The following ZNRF2 variants were observed in gnomAD, a reference collection of about 807,000 sequenced individuals.
ZNRF2 encodes the protein E3 ubiquitin-protein ligase ZNRF2.
In ZNRF2, 16 loss-of-function variants were observed where a neutral mutation model predicts 20.4. The ratio of observed to expected loss-of-function variants is 0.79; its 90% CI spans 0.53 to 1.19. The LOEUF is 1.19. ZNRF2 is among the 50% of genes most tolerant of loss of function. The probability of loss-of-function intolerance (pLI) is 0.00; values close to 1 mark genes in which losing one functional copy is unlikely to be tolerated. For missense variants in ZNRF2, 363 were observed against 332.4 expected, an observed-to-expected ratio of 1.09 and a Z score of -0.72; for synonymous variants, 178 against 144.9, an observed-to-expected ratio of 1.23 and a Z score of -1.64.
intron 4 of ZNRF2, among the ~76,000 whole-genome samples, chr7:30,363,313 A>AT (rs569145693): frequency 5.2e-4 from 79 of 152,310 alleles, no homozygotes; most frequent in Non-Finnish European, 1.0e-3. Flanking sequence ...TTTTACATCT[A>AT]TTAGTAACTT....
At chr7:30,306,175 C>T (rs1273886222) in intron 1 of ZNRF2, among the ~76,000 whole-genome samples, 2 of 152,180 alleles carry the variant, frequency 1.3e-5, no homozygotes, top group South Asian at 4.1e-4. Flanking sequence ...AACACTCTTA[C>T]TATCAAAATA....
At chr7:30,288,583 C>CT (rs1226317798) in intron 1 of ZNRF2, among the ~76,000 whole-genome samples, 1 of 152,204 alleles carries the variant, frequency 6.6e-6, no homozygotes, top group East Asian at 1.9e-4. Context: ...ATTTGGACAT[C>CT]TGTTTTGGCT....
At chr7:30,317,976 A>G (rs567276372) in intron 1 of ZNRF2, among the ~76,000 whole-genome samples, 1 of 152,128 alleles carries the variant, frequency 6.6e-6, no homozygotes, top group Non-Finnish European at 1.5e-5. Flanking sequence ...TGTCATATTC[A>G]TTGCATTTCT....
intron 1 of ZNRF2, among the ~76,000 whole-genome samples, chr7:30,314,786 G>GA (rs1799342579): frequency 7.3e-6 from 1 of 137,256 alleles, no homozygotes; most frequent in Admixed American, 7.4e-5. Context: ...CCAAATATGG[G>GA]AAATATATAT....
At chr7:30,365,432 A>G (rs1403716820) in intron 4 of ZNRF2, among the ~76,000 whole-genome samples, 1 of 152,126 alleles carries the variant, frequency 6.6e-6, no homozygotes, top group Non-Finnish European at 1.5e-5. Flanking sequence ...TCTGTTAATC[A>G]GGTGTCTACA....
At chr7:30,321,330 G>T in intron 1 of ZNRF2, among the ~76,000 whole-genome samples, 1 of 152,062 alleles carries the variant, frequency 6.6e-6, no homozygotes, top group South Asian at 2.1e-4. Flanking sequence ...GAATTATTTA[G>T]TGAGAATTGG....
At chr7:30,349,605 G>A (rs752702169) in intron 2 of ZNRF2, among the ~76,000 whole-genome samples, 4 of 151,538 alleles carry the variant, frequency 2.6e-5, no homozygotes, top group Non-Finnish European at 2.9e-5. Context: ...AAATTGCTAC[G>A]TATTACCCAG....
intron 2 of ZNRF2, among the ~76,000 whole-genome samples, chr7:30,336,549 T>C (rs1464994087): frequency 2.0e-5 from 3 of 152,212 alleles, no homozygotes; most frequent in Non-Finnish European, 2.9e-5. Flanking sequence ...AGAGATGTTT[T>C]TCTTATAGCT....
chr7:30,303,270 AAAAAAAAG>A (rs1799147550), intron 1 of ZNRF2, among the ~76,000 whole-genome samples: 1 of 151,934 alleles, frequency 6.6e-6, no homozygotes. Flanking sequence ...TCTCAAAAAA[AAAAAAAAG>A]AAAAAGAAAA....
At chr7:30,349,790 A>G (rs7786134) in intron 2 of ZNRF2, among the ~76,000 whole-genome samples, 7,804 of 152,118 alleles carry the variant, frequency 0.051, 485 homozygotes, top group African/African-American at 0.15. Flanking sequence ...TGAACCTGAA[A>G]TTTTACTTCA....
chr7:30,285,723 GGAC>G lies in ZNRF2; in HGVS notation c.368_370del (p.Asp123del). The G allele has an allele frequency of 6.8e-7, 1 of 1,475,568 alleles. No homozygotes were observed. The highest frequency in any genetic ancestry group is 8.9e-7 in the Non-Finnish European group (1 of 1,119,624). The allele number at this position is 1,475,568 out of a possible 1,614,324, so 91.4% of individuals were successfully genotyped here. On this transcript the variant is annotated inframe_deletion, in exon 1 of 5. Transcript: ENST00000323037. ...AGGACTCGGTGCACAGCAGCCCTGA[GGAC>G]GGCGGCGGCGGCCGGGACCGGCCGG...
chr7:30,355,286 G>A (rs191343284), intron 2 of ZNRF2, among the ~76,000 whole-genome samples: 1 of 151,868 alleles, frequency 6.6e-6, no homozygotes, highest in Non-Finnish European at 1.5e-5. Flanking sequence ...GTGATTTCTT[G>A]AACTTACCCA....
chr7:30,343,198 G>A lies in ZNRF2; in HGVS notation c.566-12530G>A, dbSNP rs1330785391. Among the ~76,000 whole-genome samples, 9 of 152,002 alleles carry A rather than the reference G, an allele frequency of 5.9e-5. No individual in the cohort carries two copies. In the South Asian group the frequency reaches 6.2e-4, roughly 11 times the overall value. On this transcript the variant is annotated intron_variant, in intron 2 of 4. Transcript: ENST00000323037. Reference sequence around the variant, plus strand: ...AGCGTGGTGGTGCATGCCAATAGTCGCAGCTACTGGGGAGGCTGAGGTGGG... The same window carrying A: ...AGCGTGGTGGTGCATGCCAATAGTCACAGCTACTGGGGAGGCTGAGGTGGG...
At chr7:30,332,752 A>G (rs1799655589) in intron 2 of ZNRF2, among the ~76,000 whole-genome samples, 1 of 152,012 alleles carries the variant, frequency 6.6e-6, no homozygotes, top group South Asian at 2.1e-4. Context: ...TATATGTACC[A>G]CTTTTTCTTT....
At chr7:30,335,753 T>C (rs1355023060) in intron 2 of ZNRF2, among the ~76,000 whole-genome samples, 2 of 152,212 alleles carry the variant, frequency 1.3e-5, no homozygotes, top group Non-Finnish European at 2.9e-5. Context: ...ATGAAATTCT[T>C]TTATGAACTA....
At chr7:30,303,154 G>A (rs946009858) in intron 1 of ZNRF2, among the ~76,000 whole-genome samples, 12 of 151,410 alleles carry the variant, frequency 7.9e-5, no homozygotes, top group Non-Finnish European at 1.2e-4. Context: ...GTGGTAGTGC[G>A]CACCTGTAGT....
At chr7:30,343,357 T>C (rs377476738) in intron 2 of ZNRF2, among the ~76,000 whole-genome samples, 3 of 152,252 alleles carry the variant, frequency 2.0e-5, no homozygotes, top group East Asian at 3.9e-4. Flanking sequence ...CTACTGCACT[T>C]CATCCTAGAT....
intron 2 of ZNRF2, among the ~76,000 whole-genome samples, chr7:30,331,075 C>T (rs537179415): frequency 1.3e-5 from 2 of 152,296 alleles, no homozygotes; most frequent in African/African-American, 4.8e-5. Flanking sequence ...TGGGAAATGT[C>T]AAATCTCTTC....
Position 30,285,610 on chromosome 7 carries a change from G to A in ZNRF2, c.253G>A (p.Gly85Arg), listed in dbSNP as rs1264419941. ...PAAPRSRSLG[G>R]AVGSVASGAR... Reference sequence around the variant, plus strand: ...GGCCCCGCGCAGCCGCTCCCTCGGCGGGGCCGTGGGGAGCGTGGCGTCGGG... The same window carrying A: ...GGCCCCGCGCAGCCGCTCCCTCGGCAGGGCCGTGGGGAGCGTGGCGTCGGG... The change falls in exon 1 of 5, where the codon GGG becomes AGG. Residue 85 changes from glycine (G) to arginine (R), a missense_variant. By Grantham distance (125) the Gly-to-Arg change is moderately radical. This residue lies in a region of ZNRF2 where 302 missense variants were observed against 231.5 expected (regional missense o/e 1.30). Transcript: ENST00000323037. 2 of 1,187,366 alleles carry A rather than the reference G, an allele frequency of 1.7e-6. No homozygotes were observed. The highest frequency in any genetic ancestry group is 2.1e-6 in the Non-Finnish European group (2 of 960,408). 73.6% of individuals were successfully genotyped at this position (1,187,366 alleles called of 1,614,324 possible).
Sources: gnomAD v4.1 joint callset for allele counts (sites outside exome capture counted in the v4.1 genomes callset) on GRCh38, gnomAD v4.1.1 for gene constraint, gnomAD v4.1.1 regional missense constraint, MANE v1.5 for transcripts, NCBI Gene and HGNC (gene_info 2026-07-23, HGNC 2026-07-21) for gene names.